NDST3: variants seen among roughly 807,000 people sequenced by gnomAD.
NDST3 encodes bifunctional heparan sulfate N-deacetylase/N-sulfotransferase 3.
A neutral mutation model predicts 96.1 loss-of-function variants in NDST3; 58 were observed. The ratio of observed to expected loss-of-function variants is 0.60; its 90% CI spans 0.49 to 0.75. The LOEUF (loss-of-function observed/expected upper bound fraction) is 0.75, where lower values mean the gene tolerates loss of function less well. Ranked by LOEUF, NDST3 falls within the 30% of genes least tolerant of loss-of-function variation. NDST3 has a pLI of 0.00. For missense variants in NDST3, 788 were observed against 1,034.2 expected, an observed-to-expected ratio of 0.76 and a Z score of 3.27; for synonymous variants, 333 against 359.7, an observed-to-expected ratio of 0.93 and a Z score of 0.84.
chr4:118,194,572 C>T (rs563889769), intron 6 of NDST3: 13 of 729,176 alleles, frequency 1.8e-5, no homozygotes, highest in East Asian at 7.9e-5. Flanking sequence ...TGCCATCTAA[C>T]AGCCAGCCAG....
At chr4:118,248,350 C>T (rs1741453486) in intron 12 of NDST3, among the ~76,000 whole-genome samples, 1 of 148,690 alleles carries the variant, frequency 6.7e-6, no homozygotes, top group Admixed American at 6.7e-5. Context: ...AACTCCATCT[C>T]AAAAAAAAGA....
intron 2 of NDST3, among the ~76,000 whole-genome samples, chr4:118,076,356 G>A (rs945387883): frequency 6.6e-6 from 1 of 152,096 alleles, no homozygotes; most frequent in Admixed American, 6.5e-5. Context: ...TCACAAGTTT[G>A]GGGAAACTTT....
In NDST3 at chr4:118,094,895, G is replaced by A. The variant is rs574832024; in HGVS notation, c.982-10123G>A. 2.2e-4 allele frequency among the ~76,000 whole-genome samples: 33 copies of A among 151,938 alleles called. No homozygotes were observed. In the South Asian group the frequency reaches 6.0e-3, roughly 28 times the overall value. ...ATAAAGCAGAGAATCCAGGTATAGCGTGATAGGCTGAGCATTTATTTAAAA... is the reference window on the plus strand; with the variant it reads ...ATAAAGCAGAGAATCCAGGTATAGCATGATAGGCTGAGCATTTATTTAAAA... On this transcript the variant is annotated intron_variant, in intron 2 of 13. Transcript: ENST00000296499.
At chr4:118,137,121 T>A (rs1733164715) in intron 4 of NDST3, among the ~76,000 whole-genome samples, 1 of 152,236 alleles carries the variant, frequency 6.6e-6, no homozygotes. Context: ...CCTGATACTA[T>A]GATTCTGTGT....
intron 2 of NDST3, among the ~76,000 whole-genome samples, chr4:118,084,960 A>T (rs2125822811): frequency 6.6e-6 from 1 of 152,270 alleles, no homozygotes; most frequent in African/African-American, 2.4e-5. Context: ...CTCTACTAAA[A>T]ATACAAAAAC....
intron 6 of NDST3, among the ~76,000 whole-genome samples, chr4:118,208,816 C>A (rs544696718): frequency 1.3e-4 from 19 of 144,782 alleles, no homozygotes; most frequent in Admixed American, 1.3e-3. Context: ...TTTTTTAAAA[C>A]TGTAAATGTT....
chr4:118,252,829 T>C (rs1386253049), intron 12 of NDST3, among the ~76,000 whole-genome samples: 1 of 152,032 alleles, frequency 6.6e-6, no homozygotes, highest in South Asian at 2.1e-4. Flanking sequence ...AGGTGGAGGT[T>C]GCGGCGAGCC....
intron 1 of NDST3, among the ~76,000 whole-genome samples, chr4:118,048,238 T>C (rs185329348): frequency 6.6e-5 from 10 of 152,008 alleles, no homozygotes; most frequent in Non-Finnish European, 1.0e-4. Flanking sequence ...GTGCTGAACA[T>C]GGAATTGAAA....
At chr4:118,035,446 T>C (rs1015944699) in intron 1 of NDST3, among the ~76,000 whole-genome samples, 20 of 151,268 alleles carry the variant, frequency 1.3e-4, no homozygotes, top group African/African-American at 2.4e-5. Flanking sequence ...TTTGTTTTTT[T>C]TTTTTGCCCT....
Position 118,234,722 on chromosome 4 carries a change from G to C in NDST3, c.1943+1587G>C, listed in dbSNP as rs145183214. ...ATATATTTTGGTCATCATGTGGCTA[G>C]GTACTCTAATAGGAACAAAAAGTCC... On this transcript the variant is annotated intron_variant, in intron 9 of 13. Transcript: ENST00000296499. Among the ~76,000 whole-genome samples, 575 of 151,878 alleles carry C rather than the reference G, an allele frequency of 3.8e-3. 13 individuals are homozygous for C. The highest frequency in any genetic ancestry group is 0.032 in the Admixed American group (483 of 15,224).
chr4:118,144,811 C>T (rs1442490132), intron 6 of NDST3, among the ~76,000 whole-genome samples: 1 of 152,000 alleles, frequency 6.6e-6, no homozygotes, highest in African/African-American at 2.4e-5. Context: ...TGCAAAACCC[C>T]TCTCTTGACC....
intron 6 of NDST3, among the ~76,000 whole-genome samples, chr4:118,214,669 G>A (rs1739079452): frequency 6.6e-6 from 1 of 152,054 alleles, no homozygotes; most frequent in African/African-American, 2.4e-5. Flanking sequence ...AAAGAACCCA[G>A]GTAAGATTCA....
chr4:118,247,667 C>A (rs1741408424), intron 12 of NDST3, among the ~76,000 whole-genome samples: 1 of 152,092 alleles, frequency 6.6e-6, no homozygotes, highest in African/African-American at 2.4e-5. Context: ...TGGAAATGTT[C>A]TAAAACTGGA....
chr4:118,092,049 CTTATTTATTTAT>C (rs72446384), intron 2 of NDST3, among the ~76,000 whole-genome samples: 1 of 54,702 alleles, frequency 1.8e-5, no homozygotes, highest in African/African-American at 3.9e-5. Context: ...TAGGTATTTT[CTTATTTATTTAT>C]TTATTTATTT....
chr4:118,125,298 G>A (rs970069279), intron 4 of NDST3, among the ~76,000 whole-genome samples: 4 of 152,164 alleles, frequency 2.6e-5, no homozygotes, highest in Admixed American at 1.3e-4. Flanking sequence ...AGGAAGACCA[G>A]ACAAATTCTT....
intron 2 of NDST3, among the ~76,000 whole-genome samples, chr4:118,087,544 C>T (rs961555419): frequency 6.6e-6 from 1 of 152,052 alleles, no homozygotes; most frequent in Non-Finnish European, 1.5e-5. Flanking sequence ...TAATCAGTTC[C>T]AGATTATCCT....
At chr4:118,225,258 T>C (rs1739801559) in intron 7 of NDST3, among the ~76,000 whole-genome samples, 1 of 152,010 alleles carries the variant, frequency 6.6e-6, no homozygotes, top group South Asian at 2.1e-4. Flanking sequence ...ACTCTGGGGG[T>C]AACCTAGATT....
chr4:118,137,771 C>T (rs780650681), intron 4 of NDST3, among the ~76,000 whole-genome samples: 9 of 152,066 alleles, frequency 5.9e-5, no homozygotes, highest in Non-Finnish European at 1.3e-4. Flanking sequence ...GTGGCTACGA[C>T]AAGGATGTGC....
Position 118,137,945 on chromosome 4 carries a change from T to C in NDST3, c.1225-109T>C, listed in dbSNP as rs1733250756. The C allele has an allele frequency of 3.3e-6, 3 of 916,680 alleles. No individual in the cohort carries two copies. In the African/African-American group the frequency reaches 5.1e-5, roughly 16 times the overall value. 56.8% of individuals were successfully genotyped at this position (916,680 alleles called of 1,614,324 possible). ...ACTTTAATTTTACCACACAATTAAG[T>C]AATGATGCATTTAAATATATATATT... On this transcript the variant is annotated intron_variant, in intron 4 of 13. Transcript: ENST00000296499.
Sources: allele counts gnomAD v4.1 joint callset (sites outside exome capture counted in the v4.1 genomes callset), GRCh38; gene constraint gnomAD v4.1.1; transcripts MANE v1.5; gene names NCBI Gene and HGNC (gene_info 2026-07-23, HGNC 2026-07-21).